The following GTF2IRD1 variants were observed in gnomAD, a reference collection of about 807,000 sequenced individuals.
GTF2IRD1 encodes GTF2I repeat domain containing 1, also known as general transcription factor II-I repeat domain-containing protein 1.
In GTF2IRD1, 26 loss-of-function variants were observed where a neutral mutation model predicts 113.2. The ratio of observed to expected loss-of-function variants is 0.23; its 90% CI spans 0.17 to 0.32. The LOEUF is 0.32. GTF2IRD1 is among the 10% of genes least tolerant of loss of function. The pLI, the probability that GTF2IRD1 is intolerant of heterozygous loss-of-function variation, is 1.00. For synonymous variants in GTF2IRD1, 484 were observed against 529.1 expected (o/e 0.91, Z 1.17); for missense variants, 864 against 1,280.8 (o/e 0.67, Z 4.97).
intron 26 of GTF2IRD1, 195 bp downstream of exon 26, chr7:74,601,375 G>A: frequency 1.3e-6 from 2 of 1,515,248 alleles, no homozygotes; most frequent in South Asian, 1.2e-5. Flanking sequence ...TTCTCGTGGG[G>A]TACTCACAGG....
chr7:74,464,146 T>C (rs1330286951), intron 1 of GTF2IRD1, among the ~76,000 whole-genome samples: 3 of 152,144 alleles, frequency 2.0e-5, no homozygotes, highest in Non-Finnish European at 4.4e-5. Flanking sequence ...CTGGTGAATG[T>C]TTTTGTGGCT....
chr7:74,490,808 G>A (rs541079679), intron 1 of GTF2IRD1, among the ~76,000 whole-genome samples: 5 of 151,998 alleles, frequency 3.3e-5, no homozygotes, highest in Non-Finnish European at 5.9e-5. Context: ...GCTCTTTCTA[G>A]TGGCGCTTCC....
chr7:74,496,250 G>A (rs1208461712), intron 1 of GTF2IRD1, among the ~76,000 whole-genome samples: 1 of 150,082 alleles, frequency 6.7e-6, no homozygotes, highest in Admixed American at 6.6e-5. Context: ...GTGGGTGTCT[G>A]CATATGTGTG....
chr7:74,489,094 A>G (rs1226034675), intron 1 of GTF2IRD1, among the ~76,000 whole-genome samples: 3 of 151,686 alleles, frequency 2.0e-5, no homozygotes, highest in African/African-American at 7.3e-5. Context: ...GTGAGCCAAG[A>G]TCGTGCCACT....
chr7:74,532,538 A>T (rs1798023760), intron 9 of GTF2IRD1, among the ~76,000 whole-genome samples: 1 of 152,192 alleles, frequency 6.6e-6, no homozygotes, highest in African/African-American at 2.4e-5. Context: ...TGGGCGACAG[A>T]GCCAGACCCT....
At chr7:74,586,478 CA>C (rs371417082) in intron 22 of GTF2IRD1, among the ~76,000 whole-genome samples, 18 of 152,288 alleles carry the variant, frequency 1.2e-4, no homozygotes, top group African/African-American at 1.7e-4. Context: ...TCTGGGCACG[CA>C]GGGGGGCTGG....
chr7:74,545,332 C>G (rs1260108207), intron 15 of GTF2IRD1, among the ~76,000 whole-genome samples: 3 of 152,000 alleles, frequency 2.0e-5, no homozygotes, highest in African/African-American at 4.8e-5. Flanking sequence ...GTCACTTCCC[C>G]AAACCCAGCC....
intron 22 of GTF2IRD1, among the ~76,000 whole-genome samples, chr7:74,581,673 G>A (rs1171283044): frequency 6.6e-6 from 1 of 152,230 alleles, no homozygotes; most frequent in African/African-American, 2.4e-5. Context: ...GCCTGGCTCT[G>A]TTGGGAAAGA....
chr7:74,506,752 G>A (rs1316402218), intron 1 of GTF2IRD1: 1 of 152,308 alleles, frequency 6.6e-6, no homozygotes, highest in Non-Finnish European at 1.5e-5. Context: ...GGAGCCAAAG[G>A]AGGCTGATCT....
chr7:74,549,447 G>A lies in GTF2IRD1; in HGVS notation c.1916+2161G>A, dbSNP rs191262817. ...TTTTCATACAGTGGCGAGGAGATCC[G>A]CTGGGACAGGGAGCTCTACTGCAGG... On this transcript the variant is annotated intron_variant, in intron 17 of 26. Coordinates refer to ENST00000424337, the MANE Select transcript of GTF2IRD1 (RefSeq NM_005685.4). Among the ~76,000 whole-genome samples the A allele has an allele frequency of 2.3e-4, 35 of 152,286 alleles. 2 individuals carry two copies. The East Asian group carries it at 5.0e-3, about 22-fold the overall frequency.
At chr7:74,500,306 T>A (rs1298304244) in intron 1 of GTF2IRD1, among the ~76,000 whole-genome samples, 1 of 151,836 alleles carries the variant, frequency 6.6e-6, no homozygotes, top group East Asian at 1.9e-4. Flanking sequence ...AGGCCTAACG[T>A]GGTGGCTCTC....
intron 1 of GTF2IRD1, among the ~76,000 whole-genome samples, chr7:74,459,895 A>G (rs1554328618): frequency 6.6e-6 from 1 of 151,010 alleles, no homozygotes; most frequent in Admixed American, 6.6e-5. Flanking sequence ...TGGAGTTGGG[A>G]TCAGGGCTCA....
chr7:74,517,427 C>CA (rs1797006787), intron 4 of GTF2IRD1, among the ~76,000 whole-genome samples: 1 of 77,402 alleles, frequency 1.3e-5, no homozygotes, highest in East Asian at 4.5e-4. Flanking sequence ...CTCCCTACAC[C>CA]TTTTTTTTTT....
At chr7:74,518,850 T>C (rs2074659) in intron 5 of GTF2IRD1, among the ~76,000 whole-genome samples, 1 of 151,934 alleles carries the variant, frequency 6.6e-6, no homozygotes, top group Non-Finnish European at 1.5e-5. Flanking sequence ...ATTGCGTCAC[T>C]GCACTCCAGC....
In GTF2IRD1 at chr7:74,557,649, C is replaced by T. The variant is rs782453577; in HGVS notation, c.2034C>T (p.Asp678=). ...LKRQGFQENY[D]ARLSRIDIAN... is the part of the protein sequence containing the mutation. Reference sequence around the variant, plus strand: ...TTTTGCGCTTTGCAGAAAATTATGACGCGAGGCTCTCACGGATCGACATCG... The same window carrying T: ...TTTTGCGCTTTGCAGAAAATTATGATGCGAGGCTCTCACGGATCGACATCG... Residue 678 remains aspartate (D), a synonymous_variant, in exon 20 of 27, where the codon GAC becomes GAT. Transcript: ENST00000424337. 20 of 1,612,526 alleles carry T rather than the reference C, an allele frequency of 1.2e-5. No homozygotes were observed. Among genetic ancestry groups the T allele is most frequent in the South Asian group, 6.6e-5 (6 of 91,010 alleles).
In GTF2IRD1 at chr7:74,519,574, G is replaced by A. The variant is rs781860738; in HGVS notation, c.771G>A (p.Leu257=). The A allele has an allele frequency of 4.3e-6, 7 of 1,612,652 alleles. No homozygotes were observed. In the South Asian group the frequency reaches 7.7e-5, roughly 18 times the overall value. ...CCTCCTCCTCCATGGCCAGCTTCCT[G>A]TACAGCACGGCGCTCCCCAACCACG... The part of the protein sequence containing the change: ...TATSSSMASF[L]YSTALPNHAI... The change falls in exon 6 of 27, where the codon CTG becomes CTA. Residue 257 remains leucine, a synonymous_variant. Transcript: ENST00000424337.
chr7:74,494,151 T>C (rs1174230624), intron 1 of GTF2IRD1, among the ~76,000 whole-genome samples: 1 of 152,240 alleles, frequency 6.6e-6, no homozygotes, highest in East Asian at 1.9e-4. Context: ...CAGATGGGTC[T>C]TACTCAATCT....
At chr7:74,588,073 A>T (rs1218805950) in intron 22 of GTF2IRD1, among the ~76,000 whole-genome samples, 2 of 150,798 alleles carry the variant, frequency 1.3e-5, no homozygotes, top group African/African-American at 4.9e-5. Flanking sequence ...CACTTCCAGG[A>T]CATGGGATCT....
At chr7:74,527,972 TG>T (rs1554347561) in intron 8 of GTF2IRD1, among the ~76,000 whole-genome samples, 1 of 152,210 alleles carries the variant, frequency 6.6e-6, no homozygotes, top group Non-Finnish European at 1.5e-5. Context: ...TCTGTCTGCT[TG>T]GCTGTTGGCA....
Sources: gnomAD v4.1 joint callset for allele counts (sites outside exome capture counted in the v4.1 genomes callset) on GRCh38, gnomAD v4.1.1 for gene constraint, MANE v1.5 for transcripts, NCBI Gene and HGNC (gene_info 2026-07-23, HGNC 2026-07-21) for gene names.